Variants in LNX1 observed in about 807,000 individuals in gnomAD.
LNX1 encodes E3 ubiquitin-protein ligase LNX.
LNX1 carries 54 observed loss-of-function variants against 68.4 expected under a neutral mutation model. The observed-to-expected ratio is 0.79, with a 90% CI of 0.63 to 0.99. The LOEUF is 0.99. Among genes scored for constraint, LNX1 ranks in the 50% least tolerant of loss-of-function variants. The probability of loss-of-function intolerance (pLI) is 0.00; values close to 1 mark genes in which losing one functional copy is unlikely to be tolerated. For missense variants in LNX1, 906 were observed against 926.4 expected, an observed-to-expected ratio of 0.98 and a Z score of 0.29; for synonymous variants, 336 against 350.0, an observed-to-expected ratio of 0.96 and a Z score of 0.45.
At chr4:53,561,129 G>A (rs1192020449) in intron 2 of LNX1, among the ~76,000 whole-genome samples, 3 of 152,212 alleles carry the variant, frequency 2.0e-5, no homozygotes, top group Non-Finnish European at 2.9e-5. Flanking sequence ...CAGTAAGGAT[G>A]TATGTCAAAG....
At chr4:53,463,932 CT>C (rs975722351) in intron 9 of LNX1, among the ~76,000 whole-genome samples, 48 of 152,108 alleles carry the variant, frequency 3.2e-4, no homozygotes, top group African/African-American at 1.2e-3. Flanking sequence ...GGCAGAGCCT[CT>C]TTCCTAAGAA....
chr4:53,461,663 CAT>C (rs1722121837), intron 9 of LNX1, 70 bp from the exon 10 acceptor site: 2 of 1,218,818 alleles, frequency 1.6e-6, no homozygotes, highest in Non-Finnish European at 2.3e-6. Context: ...TACTGTGACT[CAT>C]CCTCCATTCC....
chr4:53,460,701 CCA>C lies in LNX1; in HGVS notation c.*204_*205del. The stretch of plus-strand genomic sequence containing the variant: ...ATGTTGTAGAGTAATGAGAAATCCT[CCA>C]CACTGAAAAAAAACTAGTAGTTTTA... On this transcript the variant is annotated 3_prime_UTR_variant, in exon 11 of 11. Coordinates refer to ENST00000263925, the MANE Select transcript of LNX1 (RefSeq NM_001126328.3). The C allele has an allele frequency of 3.9e-6, 2 of 514,938 alleles. No homozygotes were observed. The highest frequency in any genetic ancestry group is 6.7e-6 in the Non-Finnish European group (2 of 299,152). The allele number at this position is 514,938 out of a possible 1,614,324, so 31.9% of individuals were successfully genotyped here.
chr4:53,568,906 T>C (rs1050011642), intron 2 of LNX1, among the ~76,000 whole-genome samples: 9 of 151,666 alleles, frequency 5.9e-5, no homozygotes, highest in African/African-American at 2.2e-4. Context: ...TGAACTCCCA[T>C]TCACAATTGC....
chr4:53,537,510 C>G (rs566568965), intron 2 of LNX1, among the ~76,000 whole-genome samples: 1 of 152,232 alleles, frequency 6.6e-6, no homozygotes, highest in South Asian at 2.1e-4. Flanking sequence ...TAGCAATACA[C>G]AGTGAGTAGT....
chr4:53,490,844 G>A (rs951690868), intron 6 of LNX1, among the ~76,000 whole-genome samples: 3 of 152,256 alleles, frequency 2.0e-5, no homozygotes, highest in East Asian at 1.9e-4. Flanking sequence ...CTTCAGAAAC[G>A]GCATGCGATT....
chr4:53,639,416 C>T (rs953745433), intron 1 of LNX1, among the ~76,000 whole-genome samples: 1 of 151,752 alleles, frequency 6.6e-6, no homozygotes, highest in Non-Finnish European at 1.5e-5. Flanking sequence ...ATTTGTACCC[C>T]AAACCTAAAA....
intron 2 of LNX1, among the ~76,000 whole-genome samples, chr4:53,554,825 C>T (rs1729777564): frequency 1.3e-5 from 2 of 149,348 alleles, no homozygotes; most frequent in Non-Finnish European, 2.9e-5. Flanking sequence ...GCACTCCAGC[C>T]TAGGCAACAG....
intron 9 of LNX1, among the ~76,000 whole-genome samples, chr4:53,471,185 C>T (rs184640256): frequency 0.044 from 6,718 of 151,140 alleles, 343 homozygotes; most frequent in African/African-American, 0.13. Context: ...GAAATAATGC[C>T]GCATATCTAC....
At chr4:53,598,470 C>A (rs984965775) in intron 2 of LNX1, among the ~76,000 whole-genome samples, 1 of 152,076 alleles carries the variant, frequency 6.6e-6, no homozygotes, top group East Asian at 1.9e-4. Context: ...TGGGCCCAAG[C>A]GATCCTCCTG....
chr4:53,626,214 C>T (rs2572289), intron 1 of LNX1, among the ~76,000 whole-genome samples: 5 of 151,806 alleles, frequency 3.3e-5, no homozygotes, highest in African/African-American at 1.2e-4. Context: ...AAAATATGTT[C>T]GTTTTCAAGG....
At chr4:53,612,078 G>C (rs1284494283) in intron 2 of LNX1, among the ~76,000 whole-genome samples, 2 of 152,150 alleles carry the variant, frequency 1.3e-5, no homozygotes, top group Non-Finnish European at 2.9e-5. Context: ...CAAAAGATAT[G>C]AATGGGCAAT....
chr4:53,539,299 G>T (rs1050240621), intron 2 of LNX1: 1 of 152,238 alleles, frequency 6.6e-6, no homozygotes, highest in Non-Finnish European at 1.5e-5. Flanking sequence ...GAAGTATACA[G>T]ATATTTACCT....
intron 6 of LNX1, among the ~76,000 whole-genome samples, chr4:53,493,003 C>T (rs1724807872): frequency 6.6e-6 from 1 of 152,074 alleles, no homozygotes; most frequent in Non-Finnish European, 1.5e-5. Flanking sequence ...CAGAGTCTTG[C>T]TCTGTCTCCA....
chr4:53,628,395 A>G (rs1420230165), intron 1 of LNX1, among the ~76,000 whole-genome samples: 1 of 152,196 alleles, frequency 6.6e-6, no homozygotes, highest in Non-Finnish European at 1.5e-5. Context: ...AAAATGTTCA[A>G]CATCACTAAT....
chr4:53,506,200 G>C (rs1240603452), intron 4 of LNX1, among the ~76,000 whole-genome samples: 1 of 152,110 alleles, frequency 6.6e-6, no homozygotes, highest in African/African-American at 2.4e-5. Context: ...TGGGTGACTG[G>C]GCTAGTTACC....
At chr4:53,645,190 C>T (rs958606209) in intron 1 of LNX1, among the ~76,000 whole-genome samples, 4 of 152,144 alleles carry the variant, frequency 2.6e-5, no homozygotes, top group South Asian at 2.1e-4. Flanking sequence ...GTGGCCCTTA[C>T]ACAAATTAAG....
chr4:53,604,947 C>T (rs1366478942), intron 2 of LNX1, among the ~76,000 whole-genome samples: 1 of 152,166 alleles, frequency 6.6e-6, no homozygotes, highest in Non-Finnish European at 1.5e-5. Flanking sequence ...CTCCTCACAA[C>T]CCGGGTGATT....
chr4:53,486,195 C>T (rs556796785), intron 6 of LNX1, among the ~76,000 whole-genome samples: 6 of 152,286 alleles, frequency 3.9e-5, no homozygotes, highest in East Asian at 1.9e-4. Context: ...TTCCGCCCTG[C>T]GCCAGTTCAC....
Sources: allele counts gnomAD v4.1 joint callset (sites outside exome capture counted in the v4.1 genomes callset), GRCh38; gene constraint gnomAD v4.1.1; transcripts MANE v1.5; gene names NCBI Gene and HGNC (gene_info 2026-07-23, HGNC 2026-07-21).